The following ERBB3 variants were observed in gnomAD, a reference collection of about 807,000 sequenced individuals.
The protein encoded by ERBB3 is receptor tyrosine-protein kinase erbB-3.
Under a neutral mutation model 156.7 loss-of-function variants are expected in ERBB3, and 96 were observed. The ratio of observed to expected loss-of-function variants is 0.61; its 90% CI spans 0.52 to 0.73. ERBB3 has a LOEUF of 0.73. Ranked by LOEUF, ERBB3 falls within the 30% of genes least tolerant of loss-of-function variation. The probability of loss-of-function intolerance (pLI) is 0.00; values close to 1 mark genes in which losing one functional copy is unlikely to be tolerated. For synonymous variants in ERBB3, 567 were observed against 632.0 expected, an observed-to-expected ratio of 0.90 and a Z score of 1.54; for missense variants, 1,406 against 1,709.4, an observed-to-expected ratio of 0.82 and a Z score of 3.13.
chr12:56,084,555 A>G (rs1437987979), intron 2 of ERBB3, among the ~76,000 whole-genome samples: 2 of 148,472 alleles, frequency 1.3e-5, no homozygotes, highest in African/African-American at 4.9e-5. Context: ...CGCTGCAGTG[A>G]GCGAGATTGT....
At position 56,096,529 on chromosome 12, in the gene ERBB3, G is replaced by C. The variant is rs1868894160; in HGVS notation, c.2082G>C (p.Glu694Asp). ...GESIEPLDPS[E>D]KANKVLARIF... Reference sequence around the variant, plus strand: ...GCATAGAGCCTCTGGACCCCAGTGAGAAGGCTAACAAAGTCTTGGCCAGAA... The same window carrying C: ...GCATAGAGCCTCTGGACCCCAGTGACAAGGCTAACAAAGTCTTGGCCAGAA... The change falls in exon 18 of 28, where the codon GAG (glutamate) becomes GAC (aspartate). Residue 694 changes from glutamate to aspartate, a missense_variant. Transcript: ENST00000267101. 3 of 1,614,178 alleles carry C rather than the reference G, an allele frequency of 1.9e-6. No homozygotes were observed. Among genetic ancestry groups the C allele is most frequent in the Non-Finnish European group, 2.5e-6 (3 of 1,180,024 alleles).
intron 1 of ERBB3, among the ~76,000 whole-genome samples, chr12:56,082,843 C>T (rs1438366851): frequency 2.0e-5 from 3 of 152,150 alleles, no homozygotes; most frequent in Non-Finnish European, 4.4e-5. Context: ...TTTCATGAAC[C>T]TCTTCTAACA....
intron 7 of ERBB3, 57 bp from the exon 8 acceptor site, chr12:56,088,486 T>A (rs954955593): frequency 1.5e-6 from 2 of 1,319,180 alleles, no homozygotes; most frequent in African/African-American, 2.9e-5. Flanking sequence ...AGGGTTCCAT[T>A]GGTAGCTGGT....
intron 1 of ERBB3, among the ~76,000 whole-genome samples, chr12:56,080,637 G>A (rs1445281361): frequency 6.6e-6 from 1 of 152,224 alleles, no homozygotes; most frequent in Non-Finnish European, 1.5e-5. Context: ...CCCAGAAGAG[G>A]CTGAGGCCGA....
chr12:56,091,144 C>T (rs1044851834), intron 9 of ERBB3, among the ~76,000 whole-genome samples: 1 of 149,048 alleles, frequency 6.7e-6, no homozygotes, highest in African/African-American at 2.5e-5. Context: ...CTCTATTGCC[C>T]AGGCTGGAAT....
Position 56,099,684 on chromosome 12 carries a change from A to G in ERBB3, c.2876A>G (p.Lys959Arg), listed in dbSNP as rs1234718257. Residue 959 changes from lysine to arginine, a missense_variant, in exon 24 of 28, where the codon AAA becomes AGA. Lys to Arg is a conservative substitution (Grantham distance 26). Transcript: ENST00000267101. ...GATGAGAACATTCGCCCAACCTTTA[A>G]AGAACTAGCCAATGAGTTCACCAGG... The part of the protein sequence containing the change: ...MIDENIRPTF[K>R]ELANEFTRMA... 3.1e-6 allele frequency: 5 copies of G among 1,614,104 alleles called. No homozygotes were observed. Among genetic ancestry groups the G allele is most frequent in the Non-Finnish European group, 4.2e-6 (5 of 1,180,044 alleles).
rs747687493 is a variant in ERBB3 at position 56,083,752 on chromosome 12, G to A, written c.84G>A (p.Val28=). 17 of 1,614,024 alleles carry A rather than the reference G, an allele frequency of 1.1e-5. No homozygotes were observed. The African/African-American group carries it at 1.5e-4, about 14-fold the overall frequency. Residue 28 remains valine (V), a splice_region_variant and synonymous_variant, in exon 2 of 28, where the codon GTG becomes GTA. Coordinates refer to ENST00000267101, the MANE Select transcript of ERBB3 (RefSeq NM_001982.4). ...CACTCTTCCCTCTGCTTTGAACAGT[G>A]TGTCCTGGGACTCTGAATGGCCTGA... ...RGSEVGNSQA[V]CPGTLNGLSV...
chr12:56,084,855 TAAAAAAAA>T (rs1435183980), intron 2 of ERBB3, 132 bp from the exon 3 acceptor site: 1 of 1,419,530 alleles, frequency 7.0e-7, no homozygotes, highest in African/African-American at 1.4e-5. Flanking sequence ...TCTCAAATTT[TAAAAAAAA>T]GAAAAAAAGA....
chr12:56,082,351 G>A (rs1035438410), intron 1 of ERBB3, among the ~76,000 whole-genome samples: 2 of 152,122 alleles, frequency 1.3e-5, no homozygotes, highest in Non-Finnish European at 2.9e-5. Flanking sequence ...GAAGGGGATT[G>A]GGGTGGGGCT....
intron 1 of ERBB3, among the ~76,000 whole-genome samples, chr12:56,082,379 C>T (rs536881047): frequency 2.0e-5 from 3 of 152,222 alleles, no homozygotes; most frequent in South Asian, 4.1e-4. Context: ...AAATGACTAA[C>T]CTTCCTAGTC....
In ERBB3 at chr12:56,093,392, T is replaced by C; in HGVS notation, c.1322T>C (p.Leu441Pro). Residue 441 changes from leucine (L) to proline (P), a missense_variant, in exon 12 of 28, where the codon CTG becomes CCG. Leu to Pro is a moderately conservative substitution (Grantham distance 98). Coordinates refer to ENST00000267101, the MANE Select transcript of ERBB3 (RefSeq NM_001982.4). ...ATGAAGAACTTGAATGTCACATCTC[T>C]GGGCTTCCGATCCCTGAAGGAAATT... Reference protein sequence around the residue: ...LIMKNLNVTSLGFRSLKEISA... With the variant: ...LIMKNLNVTSPGFRSLKEISA... 1 of 1,614,102 alleles carries C rather than the reference T, an allele frequency of 6.2e-7. No individual in the cohort carries two copies. Among genetic ancestry groups the C allele is most frequent in the Non-Finnish European group, 8.5e-7 (1 of 1,180,016 alleles).
rs2136781407 is a variant in ERBB3, at chr12:56,080,345, C to T, written c.45C>T (p.Ser15=). The change falls in exon 1 of 28, where the codon AGC becomes AGT. Residue 15 remains serine, a synonymous_variant. Transcript: ENST00000267101. ...DALQVLGLLF[S]LARGSEVGNS... Reference sequence around the variant, plus strand: ...TGCAGGTGCTGGGCTTGCTTTTCAGCCTGGCCCGGGGCTCCGAGGTGGGCA... The same window carrying T: ...TGCAGGTGCTGGGCTTGCTTTTCAGTCTGGCCCGGGGCTCCGAGGTGGGCA... 6.3e-7 allele frequency: 1 copy of T among 1,592,920 alleles called. No homozygotes were observed. The highest frequency in any genetic ancestry group is 8.6e-7 in the Non-Finnish European group (1 of 1,168,950).
At chr12:56,087,978 G>T (rs748286265) in intron 6 of ERBB3, 43 bp from the exon 7 acceptor site, 7 of 1,613,816 alleles carry the variant, frequency 4.3e-6, no homozygotes, top group Non-Finnish European at 5.9e-6. Context: ...GGAGGTAGGG[G>T]TACACACGTA....
intron 5 of ERBB3, 59 bp from the exon 6 acceptor site, chr12:56,087,736 A>T (rs1868534017): frequency 6.3e-7 from 1 of 1,583,412 alleles, no homozygotes. Context: ...AGGCATGAGC[A>T]GTGGCCTCAG....
Position 56,101,911 on chromosome 12 carries a change from T to C in ERBB3, c.3885T>C (p.Phe1295=), listed in dbSNP as rs373595919. Residue 1295 remains phenylalanine (F), a synonymous_variant, in exon 28 of 28, where the codon TTT becomes TTC. Coordinates refer to ENST00000267101, the MANE Select transcript of ERBB3 (RefSeq NM_001982.4). The stretch of plus-strand genomic sequence containing the variant: ...AAGGGTATGAAGAGATGAGAGCTTT[T>C]CAGGGGCCTGGACATCAGGCCCCCC... ...SEQGYEEMRA[F]QGPGHQAPHV... 4.8e-5 allele frequency: 77 copies of C among 1,613,454 alleles called. No homozygotes were observed. The highest frequency in any genetic ancestry group is 6.4e-5 in the Non-Finnish European group (75 of 1,179,852).
intron 9 of ERBB3, among the ~76,000 whole-genome samples, chr12:56,090,688 C>T (rs1464807393): frequency 1.3e-5 from 2 of 151,190 alleles, no homozygotes; most frequent in Non-Finnish European, 2.9e-5. Flanking sequence ...CTCTCTCTCT[C>T]TGTCTCTCTC....
intron 1 of ERBB3, among the ~76,000 whole-genome samples, chr12:56,082,139 T>C (rs1014605108): frequency 1.3e-5 from 2 of 152,208 alleles, no homozygotes; most frequent in African/African-American, 2.4e-5. Context: ...GTGGGATAGA[T>C]GGGGCCACCT....
rs1312311079 is a variant in ERBB3, at chr12:56,088,550, T to C, written c.882T>C (p.Phe294=). 6.2e-7 allele frequency: 1 copy of C among 1,612,064 alleles called. No individual in the cohort carries two copies. Among genetic ancestry groups the C allele is most frequent in the East Asian group, 2.2e-5 (1 of 44,868 alleles). ...CCTCCTCCTCTTCCCTAGATAACTT[T>C]GTGGTGGATCAAACATCCTGTGTCA... The part of the protein sequence containing the change: ...GVCVASCPHN[F]VVDQTSCVRA... Residue 294 remains phenylalanine, a synonymous_variant, in exon 8 of 28, where the codon TTT becomes TTC. Transcript: ENST00000267101.
intron 1 of ERBB3, among the ~76,000 whole-genome samples, chr12:56,081,013 C>T (rs984484021): frequency 1.3e-5 from 2 of 152,196 alleles, no homozygotes; most frequent in African/African-American, 4.8e-5. Flanking sequence ...TATAGCAGAG[C>T]TTAAGCAACA....
Sources: gnomAD v4.1 joint callset for allele counts (sites outside exome capture counted in the v4.1 genomes callset) on GRCh38, gnomAD v4.1.1 for gene constraint, MANE v1.5 for transcripts, NCBI Gene and HGNC (gene_info 2026-07-23, HGNC 2026-07-21) for gene names.